Variants in NAV1 observed in about 807,000 individuals in gnomAD.
NAV1 encodes the protein neuron navigator 1.
In NAV1, 18 loss-of-function variants were observed where a neutral mutation model predicts 175.2. That is an observed-to-expected ratio of 0.10 (90% CI 0.07 to 0.15). The LOEUF (loss-of-function observed/expected upper bound fraction) is 0.15. Ranked by LOEUF, NAV1 falls within the 10% of genes least tolerant of loss-of-function variation. The pLI is 1.00. For synonymous variants in NAV1, 897 were observed against 978.7 expected (o/e 0.92, Z 1.56); for missense variants, 1,731 against 2,436.6 (o/e 0.71, Z 6.10).
Position 201,783,386 on chromosome 1 carries a change from T to C in NAV1, c.2358-20T>C. ...TCTGTAATTCTATTATTCTAAATAT[T>C]TCGTTTGATCTTCTCTCAGGGCCAC... On this transcript the variant is annotated intron_variant, in intron 6 of 29. Transcript: ENST00000367296. 1 of 1,607,388 alleles carries C rather than the reference T, an allele frequency of 6.2e-7. No homozygotes were observed. The highest frequency in any genetic ancestry group is 8.5e-7 in the Non-Finnish European group (1 of 1,175,616).
chr1:201,638,238 T>G (rs929654978), intron 2 of NAV1, among the ~76,000 whole-genome samples: 1 of 152,144 alleles, frequency 6.6e-6, no homozygotes, highest in African/African-American at 2.4e-5. Flanking sequence ...CCCTGACTTG[T>G]TGGGACTGTC....
At chr1:201,794,382 C>A (rs1260034028) in intron 14 of NAV1, 84 bp from the exon 19 acceptor site, 45 of 1,252,092 alleles carry the variant, frequency 3.6e-5, no homozygotes, top group Non-Finnish European at 2.3e-6. Flanking sequence ...CTCAGGTGAT[C>A]CGCCCACCTC....
chr1:201,717,645 C>T (rs1353022975), intron 2 of NAV1, among the ~76,000 whole-genome samples: 1 of 152,230 alleles, frequency 6.6e-6, no homozygotes. Context: ...ATGTCTGGTT[C>T]CCTGTGTCCT....
chr1:201,548,935 T>C (rs1034151202), intron 1 of NAV1, among the ~76,000 whole-genome samples: 1 of 152,194 alleles, frequency 6.6e-6, no homozygotes, highest in Non-Finnish European at 1.5e-5. Flanking sequence ...AACAGAAAAC[T>C]ATTTGGACAA....
At chr1:201,658,122 G>C (rs1431517445) in intron 1 of NAV1, among the ~76,000 whole-genome samples, 1 of 152,174 alleles carries the variant, frequency 6.6e-6, no homozygotes, top group Non-Finnish European at 1.5e-5. Flanking sequence ...GCCTCCAGGA[G>C]CCTCAAGACT....
chr1:201,813,042 T>G lies in NAV1; in HGVS notation c.5222-98T>G, dbSNP rs1678791393. The G allele has an allele frequency of 3.5e-6, 3 of 850,196 alleles. No individual in the cohort carries two copies. The highest frequency in any genetic ancestry group is 5.7e-6 in the Non-Finnish European group (3 of 526,432). The allele number at this position is 850,196 out of a possible 1,614,324, so 52.7% of individuals were successfully genotyped here. On this transcript the variant is annotated intron_variant, in intron 27 of 29. Coordinates refer to ENST00000367296, the Ensembl canonical transcript of NAV1. The surrounding 1 kb of genome is among the most constrained non-coding windows in gnomAD (Gnocchi z 4.2). Reference sequence around the variant, plus strand: ...TCTAAATTTCCTTTAATCCTTTGACTGTCAGACCCCTCTGCCTGGTACTAA... The same window carrying G: ...TCTAAATTTCCTTTAATCCTTTGACGGTCAGACCCCTCTGCCTGGTACTAA...
At chr1:201,687,522 T>TAG (rs1670732127) in intron 1 of NAV1, among the ~76,000 whole-genome samples, 1 of 152,240 alleles carries the variant, frequency 6.6e-6, no homozygotes, top group Non-Finnish European at 1.5e-5. Flanking sequence ...GGCACTGTGC[T>TAG]AGCACTTAAC....
In NAV1 at chr1:201,782,690, C is replaced by T. The variant is rs1255136994; in HGVS notation, c.2178C>T (p.Thr726=). The T allele has an allele frequency of 2.5e-6, 4 of 1,614,160 alleles. No homozygotes were observed. The highest frequency in any genetic ancestry group is 2.5e-6 in the Non-Finnish European group (3 of 1,180,028). ...CTACCAAGGTAGCCAGTGGGCGGAC[C>T]ACTCCAGCCCCTGTCAATCAGACAG... is the stretch of plus-strand genomic sequence containing the variant. The change falls in exon 6 of 30, where the codon ACC becomes ACT. Residue 726 remains threonine, a synonymous_variant. Transcript: ENST00000367296. The surrounding 1 kb of genome is among the most constrained non-coding windows in gnomAD (Gnocchi z 5.4).
intron 3 of NAV1, among the ~76,000 whole-genome samples, chr1:201,780,158 A>T (rs1476715535): frequency 6.6e-6 from 1 of 152,200 alleles, no homozygotes; most frequent in Non-Finnish European, 1.5e-5. Flanking sequence ...CCTTTATAAA[A>T]TACCTTTCTG....
chr1:201,591,665 C>T (rs1205695604), intron 2 of NAV1, among the ~76,000 whole-genome samples: 1 of 152,154 alleles, frequency 6.6e-6, no homozygotes, highest in Non-Finnish European at 1.5e-5. Context: ...CACCCTGGGC[C>T]CCACCCCAGC....
intron 1 of NAV1, among the ~76,000 whole-genome samples, chr1:201,585,083 T>C (rs1666984934): frequency 6.6e-6 from 1 of 152,184 alleles, no homozygotes; most frequent in Non-Finnish European, 1.5e-5. Context: ...CGGGTAGTTT[T>C]CGCAGGGGCC....
intron 3 of NAV1, among the ~76,000 whole-genome samples, chr1:201,767,780 G>T (rs963676153): frequency 6.6e-6 from 1 of 152,184 alleles, no homozygotes; most frequent in African/African-American, 2.4e-5. Context: ...TCTCATTAGG[G>T]ATCACATCTC....
At chr1:201,765,053 C>T (rs1331098488) in intron 3 of NAV1, among the ~76,000 whole-genome samples, 2 of 152,138 alleles carry the variant, frequency 1.3e-5, no homozygotes, top group Non-Finnish European at 1.5e-5. Context: ...AGCAAGGAAG[C>T]CTTGAGGTGA....
At chr1:201,779,445 A>T (rs912881816) in intron 3 of NAV1, among the ~76,000 whole-genome samples, 2 of 150,754 alleles carry the variant, frequency 1.3e-5, no homozygotes, top group Admixed American at 6.6e-5. Flanking sequence ...AAAAAAAAAA[A>T]ATAGTAGCTG....
intron 1 of NAV1, among the ~76,000 whole-genome samples, chr1:201,556,281 G>A (rs1394948816): frequency 2.6e-5 from 4 of 152,136 alleles, no homozygotes; most frequent in Non-Finnish European, 5.9e-5. Context: ...AGTCGGGCAT[G>A]GTGGTGGGTG....
Position 201,807,957 on chromosome 1 carries a change from G to A in NAV1, c.3653G>A (p.Arg1218Gln), listed in dbSNP as rs751263807. ...CCTGGATCTGCTTTTTTCTAGCTTC[G>A]AAGTTCCTTCAACAAAGCGTTCAGT... Residue 1218 changes from arginine (R) to glutamine (Q), a missense_variant, in exon 18 of 30, where the codon CGA becomes CAA. Arg to Gln is a conservative substitution (Grantham distance 43). Coordinates refer to ENST00000367296, the Ensembl canonical transcript of NAV1. This position sits in a 1 kb window ranked among gnomAD's most constrained non-coding sequence, Gnocchi z 5.4. 3 of 1,613,918 alleles carry A rather than the reference G, an allele frequency of 1.9e-6. No individual in the cohort carries two copies. The South Asian group carries it at 3.3e-5, about 18-fold the overall frequency.
In NAV1 at chr1:201,788,196, C is replaced by T. The variant is rs569536563; in HGVS notation, c.2996-272C>T. 7.9e-5 allele frequency among the ~76,000 whole-genome samples: 12 copies of T among 152,302 alleles called. No homozygotes were observed. The South Asian group carries it at 1.2e-3, about 16-fold the overall frequency. On this transcript the variant is annotated intron_variant, in intron 9 of 29. Transcript: ENST00000367296. This position sits in a 1 kb window ranked among gnomAD's most constrained non-coding sequence, Gnocchi z 5.7. ...AGCCTAACCTTCAAAAGCAACAACTCTGAGGCAGGCAGGGTTGAGGGAAGG... is the reference window on the plus strand; with the variant it reads ...AGCCTAACCTTCAAAAGCAACAACTTTGAGGCAGGCAGGGTTGAGGGAAGG...
At chr1:201,700,471 G>A (rs201741193) in intron 1 of NAV1, among the ~76,000 whole-genome samples, 3 of 152,158 alleles carry the variant, frequency 2.0e-5, no homozygotes, top group Non-Finnish European at 4.4e-5. Context: ...AAATAGGAAC[G>A]CTTTTACACT....
rs1671122976 is a variant in NAV1 at position 201,694,895 on chromosome 1, A to T, written c.758-17922A>T. On this transcript the variant is annotated intron_variant, in intron 1 of 29. Transcript: ENST00000367296. This position sits in a 1 kb window ranked among gnomAD's most constrained non-coding sequence, Gnocchi z 4.2. Reference sequence around the variant, plus strand: ...ACGAACCAAGAAGCTGCCTCACAGGATTACTGAAAGGCTCACACAGCAGGA... The same window carrying T: ...ACGAACCAAGAAGCTGCCTCACAGGTTTACTGAAAGGCTCACACAGCAGGA... Among the ~76,000 whole-genome samples, 1 of 152,206 alleles carries T rather than the reference A, an allele frequency of 6.6e-6. No individual in the cohort carries two copies. Among genetic ancestry groups the T allele is most frequent in the East Asian group, 1.9e-4 (1 of 5,186 alleles).
Sources: allele counts gnomAD v4.1 joint callset (sites outside exome capture counted in the v4.1 genomes callset), GRCh38; gene constraint gnomAD v4.1.1; non-coding constraint Gnocchi (gnomAD v3.1); transcripts MANE v1.5; gene names NCBI Gene and HGNC (gene_info 2026-07-23, HGNC 2026-07-21).